AP1M2: variants seen among roughly 807,000 people sequenced by gnomAD.
AP1M2 encodes AP-1 complex subunit mu-2.
Under a neutral mutation model 54.6 loss-of-function variants are expected in AP1M2, and 41 were observed. That is an observed-to-expected ratio of 0.75 (90% CI 0.59 to 0.97). AP1M2 has a LOEUF of 0.97. Ranked by LOEUF, AP1M2 falls within the 50% of genes least tolerant of loss-of-function variation. The pLI, the probability that AP1M2 is intolerant of heterozygous loss-of-function variation, is 0.00. For synonymous variants in AP1M2, 219 were observed against 215.9 expected, an observed-to-expected ratio of 1.01 and a Z score of -0.13; for missense variants, 507 against 561.2, an observed-to-expected ratio of 0.90 and a Z score of 0.98.
chr19:10,586,028 A>C (rs925340061), intron 1 of AP1M2, among the ~76,000 whole-genome samples: 2 of 152,072 alleles, frequency 1.3e-5, no homozygotes, highest in African/African-American at 4.8e-5. Context: ...TCATGTCTGT[A>C]ATCCCAGCAC....
rs899958125 is a variant in AP1M2 at position 10,587,306 on chromosome 19, C to A, written c.-75G>T. 11 of 1,510,050 alleles carry A rather than the reference C, an allele frequency of 7.3e-6. No homozygotes were observed. Among genetic ancestry groups the A allele is most frequent in the East Asian group, 2.4e-5 (1 of 40,818 alleles). The allele number at this position is 1,510,050 out of a possible 1,614,324, so 93.5% of individuals were successfully genotyped here. A position where few individuals can be genotyped will look rare whatever the true frequency, so the allele number is the denominator to read the frequency against. The stretch of plus-strand genomic sequence containing the variant: ...TGGCGGCGCCGCTTCCTTCTTCCTG[C>A]GGAAGCGCCTGCGCCCAGGTGAGAG... On this transcript the variant is annotated 5_prime_UTR_variant, in exon 1 of 12. Coordinates refer to ENST00000250244, the MANE Select transcript of AP1M2 (RefSeq NM_005498.5).
chr19:10,577,624 A>T (rs1201584526), intron 8 of AP1M2, among the ~76,000 whole-genome samples: 2 of 148,472 alleles, frequency 1.3e-5, no homozygotes, highest in African/African-American at 2.5e-5. Context: ...CTTAGTAGAG[A>T]CGGGGTTTCA....
rs771207751 is a variant in AP1M2 at position 10,581,644 on chromosome 19, G to A, written c.399-10C>T. The stretch of plus-strand genomic sequence containing the variant: ...CTGCTGAGTGATGTACCTGGAGGGA[G>A]GGCGGCAGGGACAAGCAGCTGGACC... On this transcript the variant is annotated splice_polypyrimidine_tract_variant and intron_variant, in intron 4 of 11. Coordinates refer to ENST00000250244, the MANE Select transcript of AP1M2 (RefSeq NM_005498.5). The A allele has an allele frequency of 9.3e-6, 15 of 1,613,764 alleles. No individual in the cohort carries two copies. Among genetic ancestry groups the A allele is most frequent in the Non-Finnish European group, 1.3e-5 (15 of 1,179,846 alleles).
chr19:10,581,164 C>T, intron 6 of AP1M2, 102 bp downstream of exon 6: 10 of 1,466,576 alleles, frequency 6.8e-6, no homozygotes, highest in South Asian at 1.4e-5. Context: ...GGTGAGCGAG[C>T]GCTTATTTCA....
rs764847596 is a variant in AP1M2, at chr19:10,574,961, G to C, written c.1116C>G (p.Gly372=). The C allele has an allele frequency of 1.3e-6, 2 of 1,588,746 alleles. No individual in the cohort carries two copies. Among genetic ancestry groups the C allele is most frequent in the South Asian group, 2.3e-5 (2 of 88,008 alleles). The part of the protein sequence containing the change: ...LPSVEKEEVE[G]RPPIGVKFEI... ...CAAACTTGACCCCGATGGGGGGCCG[G>C]CCCTCCACCTCTTCCTTTTCCACAC... The change falls in exon 10 of 12, where the codon GGC becomes GGG. Residue 372 remains glycine (G), a synonymous_variant. Transcript: ENST00000250244.
chr19:10,587,124 C>T, intron 1 of AP1M2, 66 bp downstream of exon 1: 1 of 1,531,344 alleles, frequency 6.5e-7, no homozygotes, highest in East Asian at 2.5e-5. Context: ...GCGGAGGGGT[C>T]GCCCCTGAAT....
chr19:10,579,235 C>A (rs532490305), intron 7 of AP1M2, among the ~76,000 whole-genome samples: 1 of 151,354 alleles, frequency 6.6e-6, no homozygotes, highest in African/African-American at 2.4e-5. Flanking sequence ...GCTAACACGG[C>A]GAAACCCCGT....
At chr19:10,579,943 C>T in intron 6 of AP1M2, 85 bp from the exon 7 acceptor site, 1 of 1,379,792 alleles carries the variant, frequency 7.2e-7, no homozygotes, top group Non-Finnish European at 9.7e-7. Context: ...ACCACTGTCA[C>T]CTATTTCACA....
At chr19:10,580,052 T>G (rs889841017) in intron 6 of AP1M2, among the ~76,000 whole-genome samples, 194 bp from the exon 7 acceptor site, 13 of 145,506 alleles carry the variant, frequency 8.9e-5, no homozygotes, top group Admixed American at 3.4e-4. Flanking sequence ...TGGTTTTTTT[T>G]TTTTTTTTTT....
intron 10 of AP1M2, 42 bp from the exon 11 acceptor site, chr19:10,574,534 G>T (rs1286139614): frequency 1.3e-6 from 2 of 1,509,138 alleles, no homozygotes; most frequent in African/African-American, 1.4e-5. Flanking sequence ...TTGCAGGAGG[G>T]AGGAGGCCAG....
chr19:10,576,082 CT>C (rs897547164), intron 9 of AP1M2, among the ~76,000 whole-genome samples: 4 of 127,234 alleles, frequency 3.1e-5, no homozygotes, highest in African/African-American at 1.3e-4. Flanking sequence ...CCTTGTATTT[CT>C]TTTTTCTAAG....
chr19:10,573,649 G>T, intron 11 of AP1M2, among the ~76,000 whole-genome samples: 1 of 143,380 alleles, frequency 7.0e-6, no homozygotes, highest in Admixed American at 7.3e-5. Flanking sequence ...AACTGTCCCT[G>T]CTTTTTTTTC....
At chr19:10,577,400 A>G (rs118167193) in intron 8 of AP1M2, 44 bp from the exon 9 acceptor site, 49,019 of 1,259,726 alleles carry the variant, frequency 0.039, 1,001 homozygotes, top group Non-Finnish European at 0.045. Context: ...TCGCTTGCTC[A>G]TCCTTCAAAT....
In AP1M2 at chr19:10,578,317, C is replaced by T. The variant is rs972178637; in HGVS notation, c.888+575G>A. 4.0e-4 allele frequency among the ~76,000 whole-genome samples: 61 copies of T among 152,014 alleles called. 1 individual carries two copies. Among genetic ancestry groups the T allele is most frequent in the Non-Finnish European group, 1.3e-4 (9 of 68,006 alleles). ...GGGTGGTGGGCCACACCTGTAATCC[C>T]AGCACTTGGGGAGATGGAGGCAGGC... On this transcript the variant is annotated intron_variant, in intron 8 of 11. Transcript: ENST00000250244.
At chr19:10,573,644 T>C (rs1038951030) in intron 11 of AP1M2, among the ~76,000 whole-genome samples, 36 of 146,336 alleles carry the variant, frequency 2.5e-4, no homozygotes, top group African/African-American at 9.0e-4. Context: ...CTGACAACTG[T>C]CCCTGCTTTT....
rs148710043 is a variant in AP1M2 at position 10,582,619 on chromosome 19, C to T, written c.268-741G>A. 1.2e-3 allele frequency among the ~76,000 whole-genome samples: 183 copies of T among 151,398 alleles called. 4 individuals carry two copies. The East Asian group carries it at 0.033, about 27-fold the overall frequency. On this transcript the variant is annotated intron_variant, in intron 3 of 11. Coordinates refer to ENST00000250244, the MANE Select transcript of AP1M2 (RefSeq NM_005498.5). ...AAAAATTAGCCAGGCATGGTGGCAC[C>T]TGCCTGTAATTGCAGCTACTAGGGA... is the stretch of plus-strand genomic sequence containing the variant.
chr19:10,583,791 A>G, intron 2 of AP1M2, 118 bp from the exon 3 acceptor site: 1 of 1,489,626 alleles, frequency 6.7e-7, no homozygotes, highest in Non-Finnish European at 9.1e-7. Flanking sequence ...CCTGCCCCCC[A>G]GCCTAAGCCA....
intron 3 of AP1M2, among the ~76,000 whole-genome samples, chr19:10,583,069 G>A (rs1467240505): frequency 1.3e-5 from 2 of 151,270 alleles, no homozygotes; most frequent in Non-Finnish European, 2.9e-5. Context: ...CAAGCAATCC[G>A]CCCACCTTAG....
chr19:10,577,734 CTTTTTTTTT>C (rs61052727), intron 8 of AP1M2, among the ~76,000 whole-genome samples: 1 of 113,516 alleles, frequency 8.8e-6, no homozygotes. Context: ...CATGCTTGGC[CTTTTTTTTT>C]TTTTTTTTTT....
Sources: gnomAD v4.1 joint callset for allele counts (sites outside exome capture counted in the v4.1 genomes callset) on GRCh38, gnomAD v4.1.1 for gene constraint, MANE v1.5 for transcripts, NCBI Gene and HGNC (gene_info 2026-07-23, HGNC 2026-07-21) for gene names.